Variants in CA10 observed in about 807,000 individuals in gnomAD.
CA10 encodes carbonic anhydrase 10 (inactive).
CA10 carries 14 observed loss-of-function variants against 44.2 expected under a neutral mutation model. That is an observed-to-expected ratio of 0.32 (90% CI 0.21 to 0.50). The LOEUF is 0.50. Among genes scored for constraint, CA10 ranks in the 20% least tolerant of loss-of-function variants. The pLI, the probability that CA10 is intolerant of heterozygous loss-of-function variation, is 0.99. For synonymous variants in CA10, 159 were observed against 141.6 expected (o/e 1.12, Z -0.87); for missense variants, 350 against 409.7 (o/e 0.85, Z 1.26).
intron 4 of CA10, among the ~76,000 whole-genome samples, chr17:51,712,872 A>G (rs1016699590): frequency 3.3e-5 from 5 of 152,348 alleles, no homozygotes; most frequent in Middle Eastern, 3.4e-3. Context: ...AACATTGCCT[A>G]CGACCTTCCT....
chr17:51,734,509 G>A lies in CA10; in HGVS notation c.465+13124C>T, dbSNP rs1405758234. On this transcript the variant is annotated intron_variant, in intron 4 of 8. Coordinates refer to ENST00000451037, the MANE Select transcript of CA10 (RefSeq NM_020178.5). Reference sequence around the variant, plus strand: ...ACAGTTATACCAGGACTTAACTGGTGTCAGACTGGACTGTTCGGGCAAGGC... The same window carrying A: ...ACAGTTATACCAGGACTTAACTGGTATCAGACTGGACTGTTCGGGCAAGGC... Among the ~76,000 whole-genome samples, 8 of 152,182 alleles carry A rather than the reference G, an allele frequency of 5.3e-5. No individual in the cohort carries two copies. The South Asian group carries it at 8.3e-4, about 16-fold the overall frequency.
chr17:51,934,311 C>T (rs1362528919), intron 2 of CA10, among the ~76,000 whole-genome samples: 4 of 152,066 alleles, frequency 2.6e-5, no homozygotes, highest in Non-Finnish European at 5.9e-5. Flanking sequence ...CGAGGAAGGA[C>T]AGAGTAAAGA....
intron 2 of CA10, among the ~76,000 whole-genome samples, chr17:51,943,091 T>C (rs1405717674): frequency 1.3e-5 from 2 of 152,246 alleles, no homozygotes; most frequent in African/African-American, 2.4e-5. Context: ...AATAACACAA[T>C]ATGCTCATGC....
chr17:52,121,342 G>A (rs765893357), intron 1 of CA10, among the ~76,000 whole-genome samples: 2 of 151,958 alleles, frequency 1.3e-5, no homozygotes, highest in Non-Finnish European at 2.9e-5. Context: ...GCTATTATTG[G>A]CAAAACTGTC....
intron 4 of CA10, among the ~76,000 whole-genome samples, chr17:51,738,912 G>A (rs188049191): frequency 6.6e-6 from 1 of 152,254 alleles, no homozygotes; most frequent in East Asian, 1.9e-4. Context: ...TCCTAATTCT[G>A]CCGCTAAATC....
intron 2 of CA10, among the ~76,000 whole-genome samples, chr17:51,962,394 G>T (rs1983924989): frequency 6.6e-6 from 1 of 152,228 alleles, no homozygotes; most frequent in African/African-American, 2.4e-5. Flanking sequence ...ACATGGGCCT[G>T]CCCGGTCTGA....
chr17:51,719,623 T>TA (rs11440906), intron 4 of CA10, among the ~76,000 whole-genome samples: 95,152 of 151,866 alleles, frequency 0.63, 30,006 homozygotes, highest in East Asian at 0.73. Context: ...TGTGGTGGCT[T>TA]TGCTTGAAAT....
At chr17:51,929,151 G>A (rs750478320) in intron 3 of CA10, among the ~76,000 whole-genome samples, 148 of 152,114 alleles carry the variant, frequency 9.7e-4, no homozygotes, top group Non-Finnish European at 1.8e-3. Context: ...CATAACATGT[G>A]AGTGATTTTT....
intron 2 of CA10, among the ~76,000 whole-genome samples, chr17:52,060,302 G>A (rs1987346404): frequency 6.6e-6 from 1 of 152,068 alleles, no homozygotes; most frequent in Non-Finnish European, 1.5e-5. Context: ...AACTTTCACA[G>A]CCCAGAGGAG....
chr17:51,717,829 GTATATATATATATATATATATATATA>G lies in CA10; in HGVS notation c.465+29778_465+29803del, dbSNP rs55932655. On this transcript the variant is annotated intron_variant, in intron 4 of 8. Transcript: ENST00000451037. Reference sequence around the variant, plus strand: ...TATATACACGTATATATATGTGTGTGTATATATATATATATATATATATATATATATATATATATACAGGATAGAAT... The same window carrying G: ...TATATACACGTATATATATGTGTGTGTATATATATATATACAGGATAGAAT... Among the ~76,000 whole-genome samples, 5 of 7,918 alleles carry G rather than the reference GTATATATATATATATATATATATATA, an allele frequency of 6.3e-4. 1 individual carries two copies. The highest frequency in any genetic ancestry group is 1.0e-3 in the Non-Finnish European group (4 of 4,002). 5.2% of individuals were successfully genotyped at this position (7,918 alleles called of 152,430 possible). A position where few individuals can be genotyped will look rare whatever the true frequency, so the allele number is the denominator to read the frequency against.
intron 4 of CA10, among the ~76,000 whole-genome samples, chr17:51,728,151 A>G (rs200123614): frequency 6.6e-6 from 1 of 152,224 alleles, no homozygotes; most frequent in East Asian, 1.9e-4. Flanking sequence ...TAGCCTCCAA[A>G]ATTTCTGGGA....
At position 52,087,431 on chromosome 17, in the gene CA10, C is replaced by T. The variant is rs192412024; in HGVS notation, c.62-15038G>A. On this transcript the variant is annotated intron_variant, in intron 1 of 8. Coordinates refer to ENST00000451037, the MANE Select transcript of CA10 (RefSeq NM_020178.5). ...TGCTGGGGTTACAGATGTGAGCCAC[C>T]GCACCTGGCCCCTTTCCTTGTATTT... Among the ~76,000 whole-genome samples the T allele has an allele frequency of 3.7e-3, 559 of 152,304 alleles. 6 individuals are homozygous for T. Among genetic ancestry groups the T allele is most frequent in the South Asian group, 0.029 (142 of 4,832 alleles).
intron 2 of CA10, among the ~76,000 whole-genome samples, chr17:51,985,664 A>T (rs1984808231): frequency 6.6e-6 from 1 of 152,012 alleles, no homozygotes; most frequent in African/African-American, 2.4e-5. Flanking sequence ...AAATTTCCAG[A>T]TACAAAATTA....
At chr17:52,018,809 A>T (rs558707601) in intron 2 of CA10, among the ~76,000 whole-genome samples, 2 of 152,198 alleles carry the variant, frequency 1.3e-5, no homozygotes, top group South Asian at 4.2e-4. Flanking sequence ...GCCATTTCCA[A>T]ATCTCATGTT....
At chr17:51,984,754 A>G (rs1984771324) in intron 2 of CA10, among the ~76,000 whole-genome samples, 1 of 151,992 alleles carries the variant, frequency 6.6e-6, no homozygotes. Flanking sequence ...TAAACTAGAA[A>G]ACCTAGATGA....
chr17:51,883,360 G>C (rs1030985992), intron 3 of CA10, among the ~76,000 whole-genome samples: 1 of 151,784 alleles, frequency 6.6e-6, no homozygotes, highest in African/African-American at 2.4e-5. Context: ...CTTCCCACTT[G>C]TGCTTTTATT....
At chr17:52,069,190 C>T (rs1267866285) in intron 2 of CA10, among the ~76,000 whole-genome samples, 3 of 152,218 alleles carry the variant, frequency 2.0e-5, no homozygotes, top group Non-Finnish European at 4.4e-5. Flanking sequence ...TGCCCAACAA[C>T]ATCCAGGCAT....
At position 51,906,375 on chromosome 17, in the gene CA10, G is replaced by A. The variant is rs1221375178; in HGVS notation, c.279+24615C>T. On this transcript the variant is annotated intron_variant, in intron 3 of 8. Coordinates refer to ENST00000451037, the MANE Select transcript of CA10 (RefSeq NM_020178.5). ...ATTGCTCTCTCCAGGAAAAAACTTT[G>A]TTCTTCTTTTGGCTTTTATGGCACC... 3.3e-5 allele frequency among the ~76,000 whole-genome samples: 5 copies of A among 151,950 alleles called. No individual in the cohort carries two copies. The South Asian group carries it at 8.3e-4, about 25-fold the overall frequency.
At chr17:51,744,821 C>T (rs77486339) in intron 4 of CA10, among the ~76,000 whole-genome samples, 3,596 of 152,182 alleles carry the variant, frequency 0.024, 173 homozygotes, top group African/African-American at 0.083. Flanking sequence ...TGCTGAAATC[C>T]GTAAATGGGA....
Sources: gnomAD v4.1 joint callset for allele counts (sites outside exome capture counted in the v4.1 genomes callset) on GRCh38, gnomAD v4.1.1 for gene constraint, MANE v1.5 for transcripts, NCBI Gene and HGNC (gene_info 2026-07-23, HGNC 2026-07-21) for gene names.